PRKCH: variants seen among roughly 807,000 people sequenced by gnomAD.
PRKCH encodes protein kinase C eta.
Under a neutral mutation model 82.5 loss-of-function variants are expected in PRKCH, and 28 were observed. The observed-to-expected ratio is 0.34, with a 90% CI of 0.25 to 0.47. The LOEUF (loss-of-function observed/expected upper bound fraction) is 0.47. Among genes scored for constraint, PRKCH ranks in the 20% least tolerant of loss-of-function variants. The pLI is 1.00. For missense variants in PRKCH, 705 were observed against 881.8 expected (o/e 0.80, Z 2.54); for synonymous variants, 322 against 327.4 (o/e 0.98, Z 0.18).
chr14:61,295,850 CTT>C (rs1432203690), intron 1 of PRKCH, among the ~76,000 whole-genome samples: 2 of 152,170 alleles, frequency 1.3e-5, no homozygotes, highest in African/African-American at 4.8e-5. Context: ...CGATAAATAA[CTT>C]ATATTTTCAC....
At chr14:61,414,837 A>C (rs1882470411) in intron 2 of PRKCH, among the ~76,000 whole-genome samples, 1 of 152,140 alleles carries the variant, frequency 6.6e-6, no homozygotes, top group African/African-American at 2.4e-5. Flanking sequence ...TGAATATGAA[A>C]TGTTGAATAT....
rs182319899 is a variant in PRKCH at position 61,204,301 on chromosome 14, T to C, written c.-19+16633T>C. Among the ~76,000 whole-genome samples, 5 of 152,296 alleles carry C rather than the reference T, an allele frequency of 3.3e-5. No individual in the cohort carries two copies. In the East Asian group the frequency reaches 7.7e-4, roughly 24 times the overall value. On this transcript the variant is annotated intron_variant, in intron 1 of 3. Transcript: ENST00000555185. ...TAACTCTTAATCCTCTTTGTTACTT[T>C]AGTAAGGTAAATTCCATTATTTTGC...
At chr14:61,195,174 A>G (rs1368745603) in intron 1 of PRKCH, among the ~76,000 whole-genome samples, 3 of 144,398 alleles carry the variant, frequency 2.1e-5, no homozygotes, top group African/African-American at 7.4e-5. Context: ...GCTTTAGTAT[A>G]TCTTTTACAT....
chr14:61,449,342 C>A, intron 5 of PRKCH, 90 bp downstream of exon 5: 2 of 1,123,884 alleles, frequency 1.8e-6, no homozygotes, highest in Non-Finnish European at 2.6e-6. Context: ...CTCCTTTCCT[C>A]CCCCTCTTTT....
chr14:61,542,321 T>C (rs1364882820), intron 12 of PRKCH, among the ~76,000 whole-genome samples: 1 of 151,488 alleles, frequency 6.6e-6, no homozygotes, highest in Non-Finnish European at 1.5e-5. Flanking sequence ...CAAAAAACTA[T>C]TGTTTGTATT....
At chr14:61,260,204 C>T (rs1021773354) in intron 1 of PRKCH, among the ~76,000 whole-genome samples, 2 of 151,980 alleles carry the variant, frequency 1.3e-5, no homozygotes, top group Admixed American at 6.6e-5. Flanking sequence ...TAATTGCAAC[C>T]CTTCTGAAAT....
chr14:61,546,195 A>T (rs79287225), intron 12 of PRKCH, among the ~76,000 whole-genome samples: 9 of 152,314 alleles, frequency 5.9e-5, no homozygotes, highest in African/African-American at 1.9e-4. Flanking sequence ...TGAGAGCCCA[A>T]GCAGTGTGAA....
intron 10 of PRKCH, among the ~76,000 whole-genome samples, chr14:61,526,872 C>G (rs1245536200): frequency 1.3e-5 from 2 of 152,264 alleles, no homozygotes; most frequent in Non-Finnish European, 2.9e-5. Context: ...GCATCCCCCC[C>G]GTGACCTGCA....
intron 1 of PRKCH, among the ~76,000 whole-genome samples, chr14:61,267,693 G>A (rs1207516028): frequency 6.6e-6 from 1 of 152,208 alleles, no homozygotes; most frequent in Non-Finnish European, 1.5e-5. Context: ...TGGAAATTGA[G>A]TGAATACACC....
At chr14:61,216,291 T>C (rs1331097847) in intron 1 of PRKCH, among the ~76,000 whole-genome samples, 1 of 151,680 alleles carries the variant, frequency 6.6e-6, no homozygotes, top group East Asian at 1.9e-4. Flanking sequence ...CATGGTGAAA[T>C]TCTGTCTCTA....
rs528057937 is a variant in PRKCH at position 61,478,431 on chromosome 14, A to G, written c.1279-7071A>G. Among the ~76,000 whole-genome samples, 21 of 152,260 alleles carry G rather than the reference A, an allele frequency of 1.4e-4. No homozygotes were observed. In the South Asian group the frequency reaches 4.1e-3, roughly 30 times the overall value. On this transcript the variant is annotated intron_variant, in intron 9 of 13. Coordinates refer to ENST00000332981, the MANE Select transcript of PRKCH (RefSeq NM_006255.5). ...CTCTTTATATAATGTAGTGGTACCA[A>G]TAGCTTCTATTGATTGAGATTCTTT... is the stretch of plus-strand genomic sequence containing the variant.
At chr14:61,341,454 C>T (rs967935351) in intron 1 of PRKCH, among the ~76,000 whole-genome samples, 1 of 152,188 alleles carries the variant, frequency 6.6e-6, no homozygotes, top group Non-Finnish European at 1.5e-5. Context: ...CTGAGCATGC[C>T]ACATGCACAT....
rs75308028 is a variant in PRKCH at position 61,423,483 on chromosome 14, A to G, written c.428-19628A>G. On this transcript the variant is annotated intron_variant, in intron 2 of 13. Coordinates refer to ENST00000332981, the MANE Select transcript of PRKCH (RefSeq NM_006255.5). ...AGAATGATGCAGTGACTGAGTAAGA[A>G]AGAGCATGCCATTAGCTGGAGTGGT... 5.6e-4 allele frequency among the ~76,000 whole-genome samples: 86 copies of G among 152,328 alleles called. 1 individual carries two copies. In the East Asian group the frequency reaches 0.015, roughly 27 times the overall value.
At chr14:61,308,243 G>A (rs2045496790) in intron 1 of PRKCH, among the ~76,000 whole-genome samples, 1 of 152,304 alleles carries the variant, frequency 6.6e-6, no homozygotes. Flanking sequence ...AAGAAACATA[G>A]CTTGTGCATT....
intron 5 of PRKCH, among the ~76,000 whole-genome samples, chr14:61,450,483 G>T (rs1884453874): frequency 6.6e-6 from 1 of 152,144 alleles, no homozygotes; most frequent in African/African-American, 2.4e-5. Flanking sequence ...GTGTATAAAA[G>T]ACCCATTTAA....
Position 61,192,018 on chromosome 14 carries a change from TTGTG to T in PRKCH, c.-19+4375_-19+4378del, listed in dbSNP as rs67540297. Among the ~76,000 whole-genome samples the T allele has an allele frequency of 9.4e-3, 1,403 of 148,588 alleles. 25 individuals carry two copies. Among genetic ancestry groups the T allele is most frequent in the East Asian group, 0.07 (354 of 5,040 alleles). ...AGAATAAGAAATGTTTCCTAAAACA[TTGTG>T]TGTGTGTGTGTGTGTGTGTGTGTGC... On this transcript the variant is annotated intron_variant, in intron 1 of 3. Coordinates refer to the PRKCH transcript ENST00000555185.
chr14:61,243,604 G>A (rs1319436866), intron 1 of PRKCH, among the ~76,000 whole-genome samples: 4 of 151,970 alleles, frequency 2.6e-5, no homozygotes, highest in South Asian at 2.1e-4. Flanking sequence ...TCTTATTAAT[G>A]GTTTTTGCAT....
rs532430431 is a variant in PRKCH, at chr14:61,227,856, G to A, written c.-19+40188G>A. On this transcript the variant is annotated intron_variant, in intron 1 of 3. Coordinates refer to the PRKCH transcript ENST00000555185. Reference sequence around the variant, plus strand: ...AGGGCCCTGGGGATTTTAATCATGTGCAGAGGGTAGAGAAACATTCCTGAG... The same window carrying A: ...AGGGCCCTGGGGATTTTAATCATGTACAGAGGGTAGAGAAACATTCCTGAG... Among the ~76,000 whole-genome samples, 191 of 152,268 alleles carry A rather than the reference G, an allele frequency of 1.3e-3. 2 individuals are homozygous for A. The highest frequency in any genetic ancestry group is 4.2e-3 in the African/African-American group (176 of 41,556).
intron 9 of PRKCH, among the ~76,000 whole-genome samples, chr14:61,472,554 T>C (rs1416381936): frequency 6.6e-6 from 1 of 152,156 alleles, no homozygotes; most frequent in Non-Finnish European, 1.5e-5. Context: ...TTGTTTCCCA[T>C]ACATGGAAAT....
Sources: gnomAD v4.1 joint callset for allele counts (sites outside exome capture counted in the v4.1 genomes callset) on GRCh38, gnomAD v4.1.1 for gene constraint, MANE v1.5 for transcripts, NCBI Gene and HGNC (gene_info 2026-07-23, HGNC 2026-07-21) for gene names.